Variants in UBAC1 observed in about 807,000 individuals in gnomAD.
The protein encoded by UBAC1 is ubiquitin-associated domain-containing protein 1.
In UBAC1, 27 loss-of-function variants were observed where a neutral mutation model predicts 45.9. The observed-to-expected ratio is 0.59, with a 90% CI of 0.43 to 0.81. The LOEUF (loss-of-function observed/expected upper bound fraction) is 0.81. UBAC1 is among the 30% of genes least tolerant of loss of function. The pLI is 0.00. For missense variants in UBAC1, 529 were observed against 539.2 expected, an observed-to-expected ratio of 0.98 and a Z score of 0.19; for synonymous variants, 227 against 215.5, an observed-to-expected ratio of 1.05 and a Z score of -0.47.
Position 135,945,912 on chromosome 9 carries a change from G to C in UBAC1, c.630C>G (p.Ala210=), listed in dbSNP as rs914851204. Reference sequence around the variant, plus strand: ...ACTGGTTCAGCTGAAGGGCCTTGGTGGCTCTGTTCTCCGGAAAGCCCATCT... The same window carrying C: ...ACTGGTTCAGCTGAAGGGCCTTGGTCGCTCTGTTCTCCGGAAAGCCCATCT... ...LTEMGFPENR[A]TKALQLNHMS... Residue 210 remains alanine (A), a synonymous_variant, in exon 6 of 10, where the codon GCC becomes GCG. Transcript: ENST00000371756. The C allele has an allele frequency of 6.2e-7, 1 of 1,614,088 alleles. No individual in the cohort carries two copies. The highest frequency in any genetic ancestry group is 1.1e-5 in the South Asian group (1 of 91,086).
At chr9:135,958,415 T>A (rs1013384954) in intron 1 of UBAC1, among the ~76,000 whole-genome samples, 1 of 152,076 alleles carries the variant, frequency 6.6e-6, no homozygotes, top group Non-Finnish European at 1.5e-5. Flanking sequence ...CCTTCTCCAC[T>A]CCAGGGCAAT....
At chr9:135,939,196 G>C (rs1212507904) in intron 8 of UBAC1, among the ~76,000 whole-genome samples, 1 of 144,210 alleles carries the variant, frequency 6.9e-6, no homozygotes, top group Non-Finnish European at 1.5e-5. Context: ...GTGAGACCCT[G>C]ACTCCAAAAA....
rs1314223006 is a variant in UBAC1 at position 135,945,021 on chromosome 9, C to T, written c.876+7G>A. 1 of 1,612,314 alleles carries T rather than the reference C, an allele frequency of 6.2e-7. No homozygotes were observed. The highest frequency in any genetic ancestry group is 1.3e-5 in the African/African-American group (1 of 74,896). On this transcript the variant is annotated splice_region_variant and intron_variant, in intron 7 of 9. Coordinates refer to ENST00000371756, the MANE Select transcript of UBAC1 (RefSeq NM_016172.3). ...CTCTGCCTGGCGACAGGTCTAGTAACACATACCCGAGCATCAGCCCGAAAC... is the reference window on the plus strand; with the variant it reads ...CTCTGCCTGGCGACAGGTCTAGTAATACATACCCGAGCATCAGCCCGAAAC...
intron 7 of UBAC1, among the ~76,000 whole-genome samples, chr9:135,944,588 C>A (rs2131085879): frequency 6.6e-6 from 1 of 152,358 alleles, no homozygotes; most frequent in South Asian, 2.1e-4. Context: ...ATGGAGGCGG[C>A]TGGCAGCCTG....
intron 9 of UBAC1, among the ~76,000 whole-genome samples, chr9:135,935,456 A>G (rs1839192067): frequency 6.6e-6 from 1 of 152,106 alleles, no homozygotes; most frequent in African/African-American, 2.4e-5. Context: ...GACTAGCCTG[A>G]GCAAAAAAAC....
At chr9:135,936,573 G>A (rs1437945827) in intron 9 of UBAC1, among the ~76,000 whole-genome samples, 1 of 150,092 alleles carries the variant, frequency 6.7e-6, no homozygotes, top group African/African-American at 2.5e-5. Flanking sequence ...TCGGCTCACT[G>A]CAACCTCCGC....
Position 135,961,352 on chromosome 9 carries a change from CAGCA to C in UBAC1, c.-194_-191del, listed in dbSNP as rs1564201185. On this transcript the variant is annotated 5_prime_UTR_variant, in exon 1 of 10. Coordinates refer to ENST00000371756, the MANE Select transcript of UBAC1 (RefSeq NM_016172.3). ...AGCGGTCGCCTCGCTCCCGCCGCCGCAGCAGCCGCCGGGGGCGCGCCGTCGCGGC... is the reference window on the plus strand; with the variant it reads ...AGCGGTCGCCTCGCTCCCGCCGCCGCGCCGCCGGGGGCGCGCCGTCGCGGC... The C allele has an allele frequency of 9.6e-4, 151 of 156,542 alleles. No individual in the cohort carries two copies. Among genetic ancestry groups the C allele is most frequent in the Admixed American group, 3.8e-3 (35 of 9,322 alleles). The allele number at this position is 156,542 out of a possible 1,614,324, so 9.7% of individuals were successfully genotyped here.
Position 135,945,163 on chromosome 9 carries a change from T to TG in UBAC1, c.740dup (p.Glu248ArgfsTer21). 1 of 1,613,524 alleles carries TG rather than the reference T, an allele frequency of 6.2e-7. No individual in the cohort carries two copies. Among genetic ancestry groups the TG allele is most frequent in the Non-Finnish European group, 8.5e-7 (1 of 1,179,838 alleles). On this transcript the variant is annotated frameshift_variant, in exon 7 of 10. Transcript: ENST00000371756. LOFTEE classifies it high-confidence loss of function. ...CAGCTGCTGTGGCCCCCTCGGCCTC[T>TG]GGGGGAGCTTGGCCAGGAAGAGGCG...
At chr9:135,943,046 C>T (rs543703310) in intron 7 of UBAC1, among the ~76,000 whole-genome samples, 116 of 152,280 alleles carry the variant, frequency 7.6e-4, no homozygotes, top group South Asian at 6.4e-3. Context: ...TATCCAGAAT[C>T]TACATGGAAT....
chr9:135,960,968 C>T (rs76146588), intron 1 of UBAC1, 57 bp downstream of exon 1: 2 of 1,407,264 alleles, frequency 1.4e-6, no homozygotes, highest in Non-Finnish European at 1.9e-6. Flanking sequence ...AGGCGGGGTC[C>T]GCAGTCGGAG....
chr9:135,952,992 T>C (rs538412690), intron 3 of UBAC1, among the ~76,000 whole-genome samples: 90 of 152,322 alleles, frequency 5.9e-4, no homozygotes, highest in African/African-American at 2.0e-3. Flanking sequence ...GGTTACCCAC[T>C]TTCCTCCGTT....
At position 135,958,446 on chromosome 9, in the gene UBAC1, G is replaced by T. The variant is rs144680335; in HGVS notation, c.138+2579C>A. Among the ~76,000 whole-genome samples the T allele has an allele frequency of 3.2e-3, 488 of 152,260 alleles. 6 individuals carry two copies. Among genetic ancestry groups the T allele is most frequent in the African/African-American group, 9.9e-3 (413 of 41,532 alleles). ...GCAATGGAAGCTAGAGGCCACCACG[G>T]TGATCCCAATTTGCACAAAACAGAA... On this transcript the variant is annotated intron_variant, in intron 1 of 9. Coordinates refer to ENST00000371756, the MANE Select transcript of UBAC1 (RefSeq NM_016172.3).
Position 135,961,355 on chromosome 9 carries a change from CAG to C in UBAC1, c.-195_-194del. 4.4e-6 allele frequency: 1 copy of C among 227,722 alleles called. No individual in the cohort carries two copies. The highest frequency in any genetic ancestry group is 7.3e-6 in the Non-Finnish European group (1 of 136,934). The allele number at this position is 227,722 out of a possible 1,614,324, so 14.1% of individuals were successfully genotyped here. A position where few individuals can be genotyped will look rare whatever the true frequency, so the allele number is the denominator to read the frequency against. ...GGTCGCCTCGCTCCCGCCGCCGCAG[CAG>C]CCGCCGGGGGCGCGCCGTCGCGGCC... On this transcript the variant is annotated 5_prime_UTR_variant, in exon 1 of 10. Transcript: ENST00000371756.
intron 7 of UBAC1, 29 bp from the exon 8 acceptor site, chr9:135,939,788 T>C (rs1160605925): frequency 1.9e-6 from 3 of 1,599,636 alleles, no homozygotes; most frequent in African/African-American, 2.7e-5. Context: ...GTTAGCTCGC[T>C]GGGGGCGGCA....
At chr9:135,944,777 G>A (rs765264040) in intron 7 of UBAC1, among the ~76,000 whole-genome samples, 5 of 152,218 alleles carry the variant, frequency 3.3e-5, no homozygotes, top group African/African-American at 4.8e-5. Context: ...GAGGAAACTG[G>A]GGCGCCTGGA....
At chr9:135,954,339 G>A (rs1348252838) in intron 2 of UBAC1, among the ~76,000 whole-genome samples, 2 of 152,038 alleles carry the variant, frequency 1.3e-5, no homozygotes, top group African/African-American at 4.8e-5. Flanking sequence ...CAGCTACTTG[G>A]GAGACTGAGG....
At chr9:135,956,886 C>T (rs543161224) in intron 1 of UBAC1, among the ~76,000 whole-genome samples, 229 of 152,314 alleles carry the variant, frequency 1.5e-3, no homozygotes, top group African/African-American at 5.3e-3. Flanking sequence ...TTTCTAAACC[C>T]GGTAGCAGGC....
intron 9 of UBAC1, among the ~76,000 whole-genome samples, chr9:135,935,789 G>A (rs1839196615): frequency 6.6e-6 from 1 of 152,208 alleles, no homozygotes; most frequent in African/African-American, 2.4e-5. Flanking sequence ...CACTTTGGGA[G>A]GCCGAGACGG....
chr9:135,953,611 C>G, intron 3 of UBAC1, 69 bp downstream of exon 3: 1 of 1,421,818 alleles, frequency 7.0e-7, no homozygotes, highest in Non-Finnish European at 9.8e-7. Context: ...AGCCACTGTA[C>G]CCAGCCTGTA....
Sources: allele counts gnomAD v4.1 joint callset (sites outside exome capture counted in the v4.1 genomes callset), GRCh38; gene constraint gnomAD v4.1.1; transcripts MANE v1.5; gene names NCBI Gene and HGNC (gene_info 2026-07-23, HGNC 2026-07-21).